The following MGAT5 variants were observed in gnomAD, a reference collection of about 807,000 sequenced individuals.
The protein encoded by MGAT5 is alpha-1,6-mannosylglycoprotein 6-beta-N-acetylglucosaminyltransferase A.
A neutral mutation model predicts 94.3 loss-of-function variants in MGAT5; 30 were observed. That is an observed-to-expected ratio of 0.32 (90% CI 0.24 to 0.43). The LOEUF is 0.43. Ranked by LOEUF, MGAT5 falls within the 20% of genes least tolerant of loss-of-function variation. MGAT5 has a pLI of 1.00. For missense variants in MGAT5, 691 were observed against 905.5 expected (o/e 0.76, Z 3.04); for synonymous variants, 310 against 322.9 (o/e 0.96, Z 0.43).
intron 10 of MGAT5, among the ~76,000 whole-genome samples, chr2:134,366,681 C>A (rs1388793491): frequency 6.6e-6 from 1 of 152,176 alleles, no homozygotes; most frequent in Non-Finnish European, 1.5e-5. Flanking sequence ...AAAATGCAGA[C>A]TCTGGTTCAT....
intron 10 of MGAT5, among the ~76,000 whole-genome samples, chr2:134,384,743 C>G (rs1426808179): frequency 2.0e-5 from 3 of 151,420 alleles, no homozygotes; most frequent in Non-Finnish European, 4.4e-5. Flanking sequence ...AAGTAAGGGC[C>G]AAACCACTGC....
chr2:134,435,125 T>C (rs1158086721), intron 14 of MGAT5, among the ~76,000 whole-genome samples: 3 of 152,178 alleles, frequency 2.0e-5, no homozygotes, highest in African/African-American at 7.2e-5. Context: ...AGCATGCAGA[T>C]CCCGTCACCC....
chr2:134,361,385 C>T (rs978952973), intron 9 of MGAT5, among the ~76,000 whole-genome samples: 8 of 152,164 alleles, frequency 5.3e-5, no homozygotes, highest in East Asian at 1.9e-4. Flanking sequence ...TCCTGAAAAA[C>T]GGAGATTTCT....
In MGAT5 at chr2:134,123,195, T is replaced by C. The variant is rs557545959; in HGVS notation, c.-143+2904T>C. Among the ~76,000 whole-genome samples the C allele has an allele frequency of 1.6e-4, 25 of 152,286 alleles. No individual in the cohort carries two copies. The South Asian group carries it at 5.0e-3, about 30-fold the overall frequency. Reference sequence around the variant, plus strand: ...CAGCTGTCCTCCAAAAGCATTGAAATGCTAGACTCCCCTGTTACCCTAGCT... The same window carrying C: ...CAGCTGTCCTCCAAAAGCATTGAAACGCTAGACTCCCCTGTTACCCTAGCT... On this transcript the variant is annotated intron_variant, in intron 1 of 16. Transcript: ENST00000409645.
At chr2:134,403,241 T>A in intron 11 of MGAT5, 104 bp downstream of exon 11, 12 of 1,247,862 alleles carry the variant, frequency 9.6e-6, no homozygotes, top group Non-Finnish European at 1.3e-5. Context: ...TAAACTCTTG[T>A]GGCTATTTTG....
intron 1 of MGAT5, among the ~76,000 whole-genome samples, chr2:134,126,914 C>A (rs1388808114): frequency 6.6e-6 from 1 of 151,034 alleles, no homozygotes; most frequent in Non-Finnish European, 1.5e-5. Flanking sequence ...ATCTTATTTT[C>A]ACCTCCAGTT....
At chr2:134,350,036 T>C in intron 9 of MGAT5, 98 bp downstream of exon 9, 20 of 1,382,838 alleles carry the variant, frequency 1.4e-5, no homozygotes, top group Non-Finnish European at 2.0e-5. Flanking sequence ...CTCAGGACCA[T>C]TAGCTGTAGA....
chr2:134,263,915 T>TAA (rs201242939), intron 1 of MGAT5, among the ~76,000 whole-genome samples: 3 of 146,444 alleles, frequency 2.0e-5, no homozygotes, highest in Non-Finnish European at 4.5e-5. Flanking sequence ...TTTAGTTCTT[T>TAA]AAAAAAAAAA....
At chr2:134,312,253 CA>C (rs890368822) in intron 2 of MGAT5, among the ~76,000 whole-genome samples, 4 of 151,376 alleles carry the variant, frequency 2.6e-5, no homozygotes, top group African/African-American at 4.9e-5. Flanking sequence ...AACAAAACAA[CA>C]AAAAAAAATC....
intron 1 of MGAT5, among the ~76,000 whole-genome samples, chr2:134,179,327 G>A (rs550332587): frequency 1.3e-5 from 2 of 152,282 alleles, no homozygotes; most frequent in South Asian, 2.1e-4. Flanking sequence ...CTTCATGCAG[G>A]CGTAAGTTGT....
At chr2:134,193,957 G>A (rs914214296) in intron 1 of MGAT5, among the ~76,000 whole-genome samples, 1 of 152,142 alleles carries the variant, frequency 6.6e-6, no homozygotes, top group Non-Finnish European at 1.5e-5. Flanking sequence ...GACCCTGAGC[G>A]ATATATCTTC....
At chr2:134,286,907 T>C (rs1211982602) in intron 2 of MGAT5, among the ~76,000 whole-genome samples, 1 of 152,226 alleles carries the variant, frequency 6.6e-6, no homozygotes, top group African/African-American at 2.4e-5. Flanking sequence ...GATGTGACTT[T>C]TGGCCTTCTG....
chr2:134,152,656 G>A (rs1259546258), intron 1 of MGAT5, among the ~76,000 whole-genome samples: 3 of 152,240 alleles, frequency 2.0e-5, no homozygotes, highest in Non-Finnish European at 2.9e-5. Context: ...AAATTGGGAA[G>A]CCAGAGACTT....
chr2:134,241,390 G>T (rs1050758162), intron 1 of MGAT5, among the ~76,000 whole-genome samples: 21 of 152,234 alleles, frequency 1.4e-4, no homozygotes, highest in African/African-American at 4.8e-4. Flanking sequence ...AAGTCCAGAT[G>T]TAAGAAATGC....
intron 4 of MGAT5, among the ~76,000 whole-genome samples, chr2:134,321,926 T>C (rs1687347898): frequency 6.6e-6 from 1 of 152,212 alleles, no homozygotes; most frequent in Non-Finnish European, 1.5e-5. Context: ...CTCAGGGCTT[T>C]TCTATGTTAT....
intron 1 of MGAT5, among the ~76,000 whole-genome samples, chr2:134,197,584 A>G (rs966333103): frequency 2.0e-5 from 3 of 151,402 alleles, no homozygotes; most frequent in Admixed American, 2.0e-4. Context: ...AGGAAAAGGA[A>G]AGTATGAAGG....
intron 12 of MGAT5, among the ~76,000 whole-genome samples, chr2:134,413,810 G>A (rs1279891307): frequency 6.6e-6 from 1 of 152,156 alleles, no homozygotes; most frequent in Non-Finnish European, 1.5e-5. Flanking sequence ...GCCTTTGGCT[G>A]GGGGATTACA....
In MGAT5 at chr2:134,126,052, G is replaced by A. The variant is rs951875446; in HGVS notation, c.-143+5761G>A. On this transcript the variant is annotated intron_variant, in intron 1 of 16. Transcript: ENST00000409645. The stretch of plus-strand genomic sequence containing the variant: ...AATCGGTGCCTGTGAAGACATTCCC[G>A]CAGTGTCTGCGGAGTCCTAGAAAGA... Among the ~76,000 whole-genome samples the A allele has an allele frequency of 4.6e-5, 7 of 152,306 alleles. No individual in the cohort carries two copies. In the Middle Eastern group the frequency reaches 0.01, roughly 222 times the overall value.
chr2:134,407,081 C>T (rs1683383917), intron 11 of MGAT5, among the ~76,000 whole-genome samples: 1 of 152,194 alleles, frequency 6.6e-6, no homozygotes, highest in Admixed American at 6.5e-5. Flanking sequence ...TCTGGGATCT[C>T]TGAGATTTCT....
Sources: gnomAD v4.1 joint callset for allele counts (sites outside exome capture counted in the v4.1 genomes callset) on GRCh38, gnomAD v4.1.1 for gene constraint, MANE v1.5 for transcripts, NCBI Gene and HGNC (gene_info 2026-07-23, HGNC 2026-07-21) for gene names.